Variants in LUZP2 observed in about 807,000 individuals in gnomAD.
The protein encoded by LUZP2 is leucine zipper protein 2.
Under a neutral mutation model 51.6 loss-of-function variants are expected in LUZP2, and 52 were observed. The observed-to-expected ratio is 1.01, with a 90% CI of 0.81 to 1.27. LUZP2 has a LOEUF of 1.27. Among genes scored for constraint, LUZP2 ranks in the 50% most tolerant of loss-of-function variants. The pLI is 0.00. For missense variants in LUZP2, 436 were observed against 395.4 expected, an observed-to-expected ratio of 1.10 and a Z score of -0.87; for synonymous variants, 154 against 137.3, an observed-to-expected ratio of 1.12 and a Z score of -0.85.
chr11:25,041,867 G>T (rs1858070616), intron 9 of LUZP2, among the ~76,000 whole-genome samples: 1 of 152,188 alleles, frequency 6.6e-6, no homozygotes, highest in African/African-American at 2.4e-5. Context: ...CCTCCTGTCA[G>T]ATCAGTGGCA....
At chr11:24,964,420 A>G (rs898030215) in intron 7 of LUZP2, among the ~76,000 whole-genome samples, 2 of 152,146 alleles carry the variant, frequency 1.3e-5, no homozygotes, top group Admixed American at 6.6e-5. Flanking sequence ...AAGTTTTTTC[A>G]CTTTATACCC....
Position 24,832,657 on chromosome 11 carries a change from A to G in LUZP2, c.396+69349A>G, listed in dbSNP as rs1304278829. Among the ~76,000 whole-genome samples, 4 of 151,814 alleles carry G rather than the reference A, an allele frequency of 2.6e-5. No homozygotes were observed. The East Asian group carries it at 7.7e-4, about 29-fold the overall frequency. On this transcript the variant is annotated intron_variant, in intron 5 of 11. Coordinates refer to ENST00000336930, the MANE Select transcript of LUZP2 (RefSeq NM_001009909.4). ...GAGACACACTATAACAAAATTTTAT[A>G]TATACATATATATAAATGTAGTTAG...
Position 24,972,779 on chromosome 11 carries a change from C to A in LUZP2, c.523-3812C>A, listed in dbSNP as rs371308052. Among the ~76,000 whole-genome samples the A allele has an allele frequency of 1.6e-4, 24 of 152,190 alleles. No homozygotes were observed. In the South Asian group the frequency reaches 5.0e-3, roughly 32 times the overall value. ...CCTTGGATCCTGGATGTAAAGCCAA[C>A]TTGATTGTGGTGGATAACCTTTTTG... On this transcript the variant is annotated intron_variant, in intron 7 of 11. Coordinates refer to ENST00000336930, the MANE Select transcript of LUZP2 (RefSeq NM_001009909.4).
At chr11:24,845,405 G>C (rs1339602191) in intron 5 of LUZP2, among the ~76,000 whole-genome samples, 1 of 152,114 alleles carries the variant, frequency 6.6e-6, no homozygotes, top group East Asian at 1.9e-4. Flanking sequence ...GTGTGAAAGG[G>C]AATTGCTTTG....
intron 1 of LUZP2, among the ~76,000 whole-genome samples, chr11:24,694,148 CTCTAAGCT>C (rs947885852): frequency 2.6e-5 from 4 of 151,998 alleles, no homozygotes; most frequent in African/African-American, 9.7e-5. Context: ...ATTCTAAAAG[CTCTAAGCT>C]TCTTAAACCT....
chr11:24,539,368 C>T (rs1296030179), intron 1 of LUZP2, among the ~76,000 whole-genome samples: 1 of 151,792 alleles, frequency 6.6e-6, no homozygotes, highest in Non-Finnish European at 1.5e-5. Flanking sequence ...AATAACTCTC[C>T]ACTTCACTCT....
chr11:24,614,645 G>T (rs564014108), intron 1 of LUZP2, among the ~76,000 whole-genome samples: 3 of 151,830 alleles, frequency 2.0e-5, no homozygotes, highest in Non-Finnish European at 4.4e-5. Context: ...TCCTGATTTA[G>T]ATCTTTGTAC....
chr11:24,800,013 G>A (rs1252480710), intron 5 of LUZP2, among the ~76,000 whole-genome samples: 1 of 152,120 alleles, frequency 6.6e-6, no homozygotes, highest in African/African-American at 2.4e-5. Context: ...TGGAAGTAAA[G>A]CAAGGCAAAG....
intron 1 of LUZP2, among the ~76,000 whole-genome samples, chr11:24,590,972 A>C (rs771273351): frequency 4.2e-4 from 64 of 152,108 alleles, no homozygotes; most frequent in Non-Finnish European, 7.1e-4. Flanking sequence ...CTGGCCGAGC[A>C]AGGTGGCTCA....
chr11:24,633,093 G>T (rs1442709498), intron 1 of LUZP2, among the ~76,000 whole-genome samples: 1 of 151,936 alleles, frequency 6.6e-6, no homozygotes. Context: ...TTTCTAGTCT[G>T]GGAGATTTTC....
intron 4 of LUZP2, among the ~76,000 whole-genome samples, 156 bp downstream of exon 4, chr11:24,738,458 C>T (rs965631759): frequency 2.6e-5 from 4 of 152,052 alleles, no homozygotes; most frequent in Non-Finnish European, 5.9e-5. Context: ...AGTACTTGGT[C>T]AGCTTTCATT....
intron 1 of LUZP2, among the ~76,000 whole-genome samples, chr11:24,654,287 G>T (rs1336882291): frequency 6.6e-6 from 1 of 152,034 alleles, no homozygotes; most frequent in African/African-American, 2.4e-5. Flanking sequence ...TTCATATTTT[G>T]CACTATTATA....
chr11:24,621,114 C>A (rs1350235374), intron 1 of LUZP2, among the ~76,000 whole-genome samples: 1 of 152,138 alleles, frequency 6.6e-6, no homozygotes, highest in Non-Finnish European at 1.5e-5. Context: ...ATTTTATCAT[C>A]CTTAGAGTAG....
chr11:24,636,547 T>C (rs1330417667), intron 1 of LUZP2, among the ~76,000 whole-genome samples: 1 of 152,174 alleles, frequency 6.6e-6, no homozygotes, highest in African/African-American at 2.4e-5. Context: ...TGATAATATA[T>C]GTTAAGTACT....
chr11:24,528,001 G>C (rs1850868710), intron 1 of LUZP2, among the ~76,000 whole-genome samples: 1 of 151,106 alleles, frequency 6.6e-6, no homozygotes, highest in South Asian at 2.1e-4. Context: ...ATCCATTCCT[G>C]GTAAGATGTC....
chr11:24,632,133 T>TA (rs1384014501), intron 1 of LUZP2, among the ~76,000 whole-genome samples: 1 of 151,980 alleles, frequency 6.6e-6, no homozygotes, highest in Non-Finnish European at 1.5e-5. Context: ...TGTTAATACT[T>TA]ACCAACTCAC....
At chr11:24,504,038 A>T (rs1850079204) in intron 1 of LUZP2, among the ~76,000 whole-genome samples, 2 of 152,178 alleles carry the variant, frequency 1.3e-5, no homozygotes, top group South Asian at 2.1e-4. Context: ...CTCAAAGCAG[A>T]GTCATTAATG....
intron 9 of LUZP2, among the ~76,000 whole-genome samples, chr11:25,031,175 C>A (rs1857675460): frequency 6.7e-6 from 1 of 149,868 alleles, no homozygotes; most frequent in African/African-American, 2.4e-5. Context: ...CCACACCTGG[C>A]TAATTTTTGT....
chr11:24,552,266 A>T (rs532528994), intron 1 of LUZP2, among the ~76,000 whole-genome samples: 4 of 152,174 alleles, frequency 2.6e-5, no homozygotes, highest in Admixed American at 2.0e-4. Flanking sequence ...TTTGTCATGT[A>T]AGTATATGTC....
Sources: allele counts gnomAD v4.1 joint callset (sites outside exome capture counted in the v4.1 genomes callset), GRCh38; gene constraint gnomAD v4.1.1; transcripts MANE v1.5; gene names NCBI Gene and HGNC (gene_info 2026-07-23, HGNC 2026-07-21).